Variants in NFATC2 observed in about 807,000 individuals in gnomAD.
The protein encoded by NFATC2 is nuclear factor of activated T-cells, cytoplasmic 2.
In NFATC2, 22 loss-of-function variants were observed where a neutral mutation model predicts 87.3. The observed-to-expected ratio is 0.25, with a 90% CI of 0.18 to 0.36. The LOEUF (loss-of-function observed/expected upper bound fraction) is 0.36, where lower values mean the gene tolerates loss of function less well. NFATC2 is among the 10% of genes least tolerant of loss of function. The pLI is 1.00. For synonymous variants in NFATC2, 565 were observed against 542.2 expected (o/e 1.04, Z -0.58); for missense variants, 1,149 against 1,259.1 (o/e 0.91, Z 1.32).
chr20:51,388,253 C>A lies in NFATC2; in HGVS notation c.*3243G>T, dbSNP rs2146185921. The A allele has an allele frequency of 6.6e-6, 1 of 152,276 alleles. No homozygotes were observed. Among genetic ancestry groups the A allele is most frequent in the Non-Finnish European group, 1.5e-5 (1 of 68,016 alleles). The allele number at this position is 152,276 out of a possible 1,614,324, so 9.4% of individuals were successfully genotyped here. On this transcript the variant is annotated 3_prime_UTR_variant, in exon 11 of 11. Coordinates refer to ENST00000371564, the MANE Select transcript of NFATC2 (RefSeq NM_012340.5). ...AATTTTTTAAAATCAAAATCACCTA[C>A]TAAATTAGTTATTTTGGGGGGAGGA...
intron 6 of NFATC2, among the ~76,000 whole-genome samples, chr20:51,443,648 C>T (rs145702822): frequency 1.3e-5 from 2 of 152,326 alleles, no homozygotes; most frequent in Non-Finnish European, 2.9e-5. Context: ...TCCCAACCCA[C>T]ACCTTGGGTC....
At chr20:51,397,951 C>A (rs1987437306) in intron 10 of NFATC2, among the ~76,000 whole-genome samples, 1 of 152,192 alleles carries the variant, frequency 6.6e-6, no homozygotes, top group South Asian at 2.1e-4. Flanking sequence ...ACTTCACACC[C>A]CAGGGCCTCC....
At chr20:51,515,379 C>T (rs1171777586) in intron 3 of NFATC2, among the ~76,000 whole-genome samples, 1 of 152,216 alleles carries the variant, frequency 6.6e-6, no homozygotes, top group Admixed American at 6.5e-5. Context: ...GCACATGCCT[C>T]AGAGGAAGGG....
At chr20:51,474,936 G>A (rs1276426802) in intron 4 of NFATC2, among the ~76,000 whole-genome samples, 6 of 151,556 alleles carry the variant, frequency 4.0e-5, no homozygotes, top group Admixed American at 3.9e-4. Flanking sequence ...TTCCTCCCGA[G>A]GCACATGAAA....
At chr20:51,531,176 G>GC (rs1319976403) in intron 1 of NFATC2, among the ~76,000 whole-genome samples, 3 of 152,250 alleles carry the variant, frequency 2.0e-5, no homozygotes, top group African/African-American at 7.2e-5. Flanking sequence ...AGGCAGGCTC[G>GC]CCCCCAGCTG....
rs776054622 is a variant in NFATC2, at chr20:51,398,750, T to C, written c.2723-20A>G. On this transcript the variant is annotated intron_variant, in intron 9 of 10. Transcript: ENST00000371564. Reference sequence around the variant, plus strand: ...TCAGCTCTGAAAAAGATTTGCAAAATCATTTTTGAGAAGAAAAAAAAAAAT... The same window carrying C: ...TCAGCTCTGAAAAAGATTTGCAAAACCATTTTTGAGAAGAAAAAAAAAAAT... The C allele has an allele frequency of 1.3e-6, 2 of 1,555,138 alleles. No individual in the cohort carries two copies. The highest frequency in any genetic ancestry group is 2.3e-5 in the East Asian group (1 of 44,202).
intron 5 of NFATC2, among the ~76,000 whole-genome samples, chr20:51,457,660 A>G (rs1986704555): frequency 2.6e-5 from 1 of 37,978 alleles, no homozygotes; most frequent in Non-Finnish European, 6.6e-5. Context: ...TTCTAGTACT[A>G]CTACAACTCC....
chr20:51,475,049 A>T (rs1230394078), intron 4 of NFATC2, among the ~76,000 whole-genome samples: 1 of 148,940 alleles, frequency 6.7e-6, no homozygotes, highest in Non-Finnish European at 1.5e-5. Context: ...GCTCACAGCA[A>T]CCTGCCCGCA....
At chr20:51,500,655 CCCT>C (rs2146623440) in intron 3 of NFATC2, among the ~76,000 whole-genome samples, 1 of 109,950 alleles carries the variant, frequency 9.1e-6, no homozygotes, top group Non-Finnish European at 1.9e-5. Context: ...CACCACCCCC[CCCT>C]CCACCCCCAC....
chr20:51,424,324 T>C (rs1981433290), intron 9 of NFATC2, among the ~76,000 whole-genome samples: 1 of 152,208 alleles, frequency 6.6e-6, no homozygotes, highest in African/African-American at 2.4e-5. Flanking sequence ...GTCAGCCTCC[T>C]GGCTCTTCGT....
intron 5 of NFATC2, among the ~76,000 whole-genome samples, chr20:51,463,521 C>T (rs1430165532): frequency 6.6e-6 from 1 of 152,184 alleles, no homozygotes; most frequent in Non-Finnish European, 1.5e-5. Context: ...CATTACTCTA[C>T]CATTCCAATG....
At chr20:51,540,866 T>C (rs1024966158) in intron 1 of NFATC2, among the ~76,000 whole-genome samples, 3 of 151,846 alleles carry the variant, frequency 2.0e-5, no homozygotes, top group African/African-American at 7.3e-5. Context: ...GGGGTGTGAG[T>C]ATTCGTTCCC....
chr20:51,503,835 C>A (rs1294802586), intron 3 of NFATC2, among the ~76,000 whole-genome samples: 2 of 152,098 alleles, frequency 1.3e-5, no homozygotes, highest in Admixed American at 1.3e-4. Flanking sequence ...GATGCTTGAC[C>A]AGCCTGGATT....
chr20:51,494,858 G>A (rs149804698), intron 3 of NFATC2, among the ~76,000 whole-genome samples: 223 of 152,230 alleles, frequency 1.5e-3, no homozygotes, highest in African/African-American at 3.8e-3. Flanking sequence ...TCTGTCCACT[G>A]AGAAAAGCCA....
chr20:51,498,714 G>A (rs1016472044), intron 3 of NFATC2, among the ~76,000 whole-genome samples: 6 of 152,200 alleles, frequency 3.9e-5, no homozygotes, highest in Admixed American at 1.3e-4. Flanking sequence ...TTGAACCCAG[G>A]GGGTGGAGCT....
intron 1 of NFATC2, among the ~76,000 whole-genome samples, chr20:51,539,914 A>C (rs2076779054): frequency 6.6e-6 from 1 of 152,224 alleles, no homozygotes; most frequent in Non-Finnish European, 1.5e-5. Context: ...TGTGGGCTTC[A>C]TGTAGTAATG....
intron 1 of NFATC2, among the ~76,000 whole-genome samples, chr20:51,531,172 G>T (rs1328773288): frequency 6.6e-6 from 1 of 152,232 alleles, no homozygotes; most frequent in East Asian, 1.9e-4. Context: ...TGCCAGGCAG[G>T]CTCGCCCCCA....
rs565786603 is a variant in NFATC2, at chr20:51,411,802, C to G, written c.2723-13072G>C. On this transcript the variant is annotated intron_variant, in intron 9 of 10. Coordinates refer to ENST00000371564, the MANE Select transcript of NFATC2 (RefSeq NM_012340.5). Reference sequence around the variant, plus strand: ...CTTGGCCTCCCAAAGTACCGAAATTCCAGGTGTGAGCCACCGCGCCTGGCC... The same window carrying G: ...CTTGGCCTCCCAAAGTACCGAAATTGCAGGTGTGAGCCACCGCGCCTGGCC... 1.8e-4 allele frequency among the ~76,000 whole-genome samples: 27 copies of G among 152,152 alleles called. 1 individual carries two copies. The South Asian group carries it at 5.4e-3, about 30-fold the overall frequency.
intron 9 of NFATC2, among the ~76,000 whole-genome samples, chr20:51,407,812 G>A (rs553600443): frequency 2.0e-5 from 3 of 152,318 alleles, no homozygotes; most frequent in East Asian, 1.9e-4. Context: ...CTTTCCACTC[G>A]GTCCAACTTA....
Sources: allele counts gnomAD v4.1 joint callset (sites outside exome capture counted in the v4.1 genomes callset), GRCh38; gene constraint gnomAD v4.1.1; transcripts MANE v1.5; gene names NCBI Gene and HGNC (gene_info 2026-07-23, HGNC 2026-07-21).